The following STXBP5 variants were observed in gnomAD, a reference collection of about 807,000 sequenced individuals.
STXBP5 encodes the protein syntaxin binding protein 5.
Under a neutral mutation model 152.4 loss-of-function variants are expected in STXBP5, and 50 were observed. That is an observed-to-expected ratio of 0.33 (90% CI 0.26 to 0.42). The LOEUF is 0.42. Ranked by LOEUF, STXBP5 falls within the 10% of genes least tolerant of loss-of-function variation. The probability of loss-of-function intolerance (pLI) is 1.00; values close to 1 mark genes in which losing one functional copy is unlikely to be tolerated. For synonymous variants in STXBP5, 492 were observed against 494.7 expected, an observed-to-expected ratio of 0.99 and a Z score of 0.07; for missense variants, 1,167 against 1,388.6, an observed-to-expected ratio of 0.84 and a Z score of 2.54.
At chr6:147,355,425 T>A (rs1411128435) in intron 22 of STXBP5, among the ~76,000 whole-genome samples, 3 of 152,180 alleles carry the variant, frequency 2.0e-5, no homozygotes, top group African/African-American at 7.2e-5. Context: ...CAGGTGCAGC[T>A]GGATGGAGGC....
intron 9 of STXBP5, among the ~76,000 whole-genome samples, chr6:147,296,176 TG>T (rs1447991655): frequency 2.0e-5 from 3 of 151,996 alleles, no homozygotes; most frequent in African/African-American, 4.8e-5. Context: ...ACCTGGCAGA[TG>T]AGTGCCTGAA....
intron 22 of STXBP5, among the ~76,000 whole-genome samples, chr6:147,358,180 A>G (rs4896906): frequency 0.6 from 91,331 of 151,630 alleles, 27,851 homozygotes; most frequent in African/African-American, 0.65. Context: ...CTAAACTTTT[A>G]TTGATTAAAG....
chr6:147,384,665 A>C (rs759252776), intron 27 of STXBP5, 49 bp from the exon 28 acceptor site: 4 of 1,556,906 alleles, frequency 2.6e-6, no homozygotes, highest in Non-Finnish European at 3.5e-6. Context: ...TATAAATGTT[A>C]TTGTTCCGGC....
chr6:147,381,150 C>T (rs1298838911), intron 26 of STXBP5, among the ~76,000 whole-genome samples: 5 of 152,106 alleles, frequency 3.3e-5, no homozygotes, highest in African/African-American at 1.2e-4. Flanking sequence ...TGGGTCTTTT[C>T]CATGACACTG....
chr6:147,216,353 C>T (rs1467767813), intron 2 of STXBP5, among the ~76,000 whole-genome samples: 2 of 152,178 alleles, frequency 1.3e-5, no homozygotes, highest in African/African-American at 4.8e-5. Flanking sequence ...GACTGCGCCA[C>T]TGCACTCCAG....
At chr6:147,297,343 T>C (rs1342007309) in intron 9 of STXBP5, among the ~76,000 whole-genome samples, 1 of 152,134 alleles carries the variant, frequency 6.6e-6, no homozygotes, top group Non-Finnish European at 1.5e-5. Flanking sequence ...AAGAATACTG[T>C]ACCCAGCAAA....
chr6:147,373,564 A>G (rs1313648401), intron 25 of STXBP5, among the ~76,000 whole-genome samples, 167 bp from the exon 26 acceptor site: 7 of 152,192 alleles, frequency 4.6e-5, no homozygotes, highest in African/African-American at 1.7e-4. Flanking sequence ...CACTGTTTGA[A>G]TAAATCAGCA....
At chr6:147,221,380 T>G (rs149260762) in intron 2 of STXBP5, among the ~76,000 whole-genome samples, 83 of 152,222 alleles carry the variant, frequency 5.5e-4, no homozygotes, top group African/African-American at 1.7e-3. Flanking sequence ...GATGCTGCCT[T>G]CCTTTATGTA....
chr6:147,278,517 C>T (rs1335918415), intron 8 of STXBP5, among the ~76,000 whole-genome samples: 2 of 152,062 alleles, frequency 1.3e-5, no homozygotes, highest in African/African-American at 4.8e-5. Flanking sequence ...GCAGGATTTA[C>T]ATTAAGCTTT....
chr6:147,223,684 T>G (rs1180661634), intron 2 of STXBP5, among the ~76,000 whole-genome samples: 2 of 152,228 alleles, frequency 1.3e-5, no homozygotes, highest in Non-Finnish European at 2.9e-5. Context: ...CTTGGATTTC[T>G]TCTTTAGAGC....
intron 4 of STXBP5, among the ~76,000 whole-genome samples, chr6:147,253,980 C>T (rs1779231335): frequency 6.6e-6 from 1 of 152,068 alleles, no homozygotes. Flanking sequence ...GCCCGTATAG[C>T]CAAGACAATC....
intron 13 of STXBP5, 105 bp from the exon 14 acceptor site, chr6:147,314,491 T>G: frequency 7.4e-7 from 1 of 1,357,236 alleles, no homozygotes; most frequent in Non-Finnish European, 1.0e-6. Flanking sequence ...ACCCTGATTT[T>G]TTTTACCTTT....
chr6:147,207,078 C>A (rs764258924), intron 2 of STXBP5, among the ~76,000 whole-genome samples: 5 of 151,936 alleles, frequency 3.3e-5, no homozygotes, highest in Non-Finnish European at 5.9e-5. Flanking sequence ...AGGGGAGGAG[C>A]TTTACCCCTT....
At chr6:147,229,300 C>A (rs183478080) in intron 2 of STXBP5, among the ~76,000 whole-genome samples, 1 of 151,556 alleles carries the variant, frequency 6.6e-6, no homozygotes, top group Non-Finnish European at 1.5e-5. Context: ...TTTTTTATTA[C>A]CTATTCATAT....
chr6:147,265,840 G>T (rs1779867187), intron 6 of STXBP5, among the ~76,000 whole-genome samples: 1 of 151,928 alleles, frequency 6.6e-6, no homozygotes, highest in Non-Finnish European at 1.5e-5. Flanking sequence ...CGATATCCCG[G>T]TTTTACAGAC....
chr6:147,279,232 CAG>C (rs1780587400), intron 8 of STXBP5, among the ~76,000 whole-genome samples: 2 of 152,200 alleles, frequency 1.3e-5, no homozygotes, highest in Admixed American at 6.5e-5. Flanking sequence ...TTATTAGAAA[CAG>C]ATTATGAAGG....
At chr6:147,331,522 C>T (rs1783567301) in intron 18 of STXBP5, among the ~76,000 whole-genome samples, 1 of 152,114 alleles carries the variant, frequency 6.6e-6, no homozygotes, top group Non-Finnish European at 1.5e-5. Flanking sequence ...AAGGTGGTGA[C>T]TCCCTCATGA....
chr6:147,329,223 ATATTT>A (rs1446366040), intron 18 of STXBP5, among the ~76,000 whole-genome samples: 2 of 148,620 alleles, frequency 1.3e-5, no homozygotes, highest in Non-Finnish European at 3.0e-5. Context: ...TTTAAAATTT[ATATTT>A]TATTTATATT....
intron 4 of STXBP5, 76 bp downstream of exon 4, chr6:147,239,346 T>C: frequency 1.6e-6 from 2 of 1,277,534 alleles, no homozygotes; most frequent in Non-Finnish European, 2.2e-6. Context: ...TTTGATTTTT[T>C]GTGTGTGATG....
Sources: allele counts gnomAD v4.1 joint callset (sites outside exome capture counted in the v4.1 genomes callset), GRCh38; gene constraint gnomAD v4.1.1; transcripts MANE v1.5; gene names NCBI Gene and HGNC (gene_info 2026-07-23, HGNC 2026-07-21).